The following DRC9 variants were observed in gnomAD, a reference collection of about 807,000 sequenced individuals.
DRC9 encodes the protein dynein regulatory complex protein 9.
the DRC9 span, among the ~76,000 whole-genome samples, chr3:197,920,552 C>T: frequency 3.3e-5 from 5 of 152,066 alleles, no homozygotes; most frequent in Non-Finnish European, 7.3e-5. Flanking sequence ...CATGGCAAAA[C>T]TCCGTCTCTA....
At chr3:197,901,053 A>G in the DRC9 span, among the ~76,000 whole-genome samples, 1 of 152,174 alleles carries the variant, frequency 6.6e-6, no homozygotes, top group Non-Finnish European at 1.5e-5. This position sits in a 1 kb window ranked among gnomAD's most constrained non-coding sequence, Gnocchi z 4.4. Flanking sequence ...AGGAAAAAGT[A>G]AAAGGGGACT....
the DRC9 span, chr3:197,938,700 C>A: frequency 1.2e-6 from 2 of 1,614,072 alleles, no homozygotes; most frequent in Non-Finnish European, 1.7e-6. Flanking sequence ...CAGTTATTAA[C>A]GGACTGGGTA....
At chr3:197,914,516 C>T in the DRC9 span, among the ~76,000 whole-genome samples, 11 of 152,300 alleles carry the variant, frequency 7.2e-5, no homozygotes, top group South Asian at 2.1e-3. Flanking sequence ...CGTGTGAAAA[C>T]GCTTTCTTTT....
chr3:197,925,748 T>A, the DRC9 span, among the ~76,000 whole-genome samples: 2 of 152,018 alleles, frequency 1.3e-5, no homozygotes, highest in African/African-American at 2.4e-5. Flanking sequence ...CATACCCGGC[T>A]AATTTTTGTA....
chr3:197,954,719 G>C, the DRC9 span, among the ~76,000 whole-genome samples: 1 of 152,126 alleles, frequency 6.6e-6, no homozygotes, highest in African/African-American at 2.4e-5. Flanking sequence ...TGTTGCCCAG[G>C]CTGGTCTTGA....
At chr3:197,920,173 C>A in the DRC9 span, among the ~76,000 whole-genome samples, 1 of 152,012 alleles carries the variant, frequency 6.6e-6, no homozygotes, top group Non-Finnish European at 1.5e-5. Context: ...CGCGGCACTG[C>A]ACTCCAGCCT....
At chr3:197,958,690 C>T in the DRC9 span, 1 of 152,218 alleles carries the variant, frequency 6.6e-6, no homozygotes, top group African/African-American at 2.4e-5. Flanking sequence ...ACTCGAGTAA[C>T]TTACATGTGC....
chr3:197,947,928 C>CTTTTTTTT, the DRC9 span, among the ~76,000 whole-genome samples: 7 of 96,796 alleles, frequency 7.2e-5, no homozygotes, highest in Non-Finnish European at 9.8e-5. Flanking sequence ...CCTGCTTTAC[C>CTTTTTTTT]TTTTTTTTTT....
the DRC9 span, among the ~76,000 whole-genome samples, chr3:197,941,125 TC>T: frequency 7.7e-5 from 11 of 142,134 alleles, no homozygotes; most frequent in African/African-American, 3.0e-4. Context: ...CATTTGTTTG[TC>T]CTTCCTTCCT....
chr3:197,918,327 C>T, the DRC9 span, among the ~76,000 whole-genome samples: 5 of 130,374 alleles, frequency 3.8e-5, no homozygotes, highest in Non-Finnish European at 6.3e-5. Context: ...TGGTCTCAAA[C>T]TCCTGGTCTC....
the DRC9 span, among the ~76,000 whole-genome samples, chr3:197,909,246 C>T: frequency 1.3e-5 from 2 of 152,108 alleles, no homozygotes; most frequent in African/African-American, 4.8e-5. Context: ...AAAAGGATTC[C>T]CCATTGTCAC....
the DRC9 span, chr3:197,958,159 C>G: frequency 1.3e-5 from 2 of 152,230 alleles, no homozygotes; most frequent in Non-Finnish European, 2.9e-5. Context: ...CTTTGAACTT[C>G]TAGGCTCAGA....
the DRC9 span, chr3:197,913,548 C>T: frequency 1.8e-5 from 8 of 455,530 alleles, no homozygotes; most frequent in East Asian, 3.4e-4. Context: ...CAAAATCCTG[C>T]CATAACTAAG....
chr3:197,932,957 T>TTATA, the DRC9 span, among the ~76,000 whole-genome samples: 3 of 135,430 alleles, frequency 2.2e-5, no homozygotes, highest in African/African-American at 5.6e-5. Context: ...ATATTATATA[T>TTATA]TATTATATAT....
At chr3:197,953,293 T>C in the DRC9 span, among the ~76,000 whole-genome samples, 1 of 152,178 alleles carries the variant, frequency 6.6e-6, no homozygotes, top group African/African-American at 2.4e-5. Flanking sequence ...GGAGGATTGC[T>C]TGATGCCAGG....
chr3:197,932,544 A>G, the DRC9 span, among the ~76,000 whole-genome samples: 2 of 151,842 alleles, frequency 1.3e-5, no homozygotes, highest in Non-Finnish European at 2.9e-5. Context: ...CTGAGGCAGG[A>G]GAATTGCTGG....
At chr3:197,959,149 T>C in the DRC9 span, 15 of 152,090 alleles carry the variant, frequency 9.9e-5, no homozygotes, top group African/African-American at 2.4e-4. Context: ...AGAGGTTGCA[T>C]TGAGCCGAGA....
the DRC9 span, chr3:197,945,653 T>C: frequency 1.8e-5 from 28 of 1,572,594 alleles, no homozygotes; most frequent in Admixed American, 7.4e-5. Context: ...TTACCCTCCG[T>C]GGTATATTTA....
At chr3:197,945,943 T>G in the DRC9 span, among the ~76,000 whole-genome samples, 1 of 152,222 alleles carries the variant, frequency 6.6e-6, no homozygotes, top group Non-Finnish European at 1.5e-5. Context: ...CTTCTTTAGG[T>G]AAATTAATGT....
Sources: gnomAD v4.1 joint callset for allele counts (sites outside exome capture counted in the v4.1 genomes callset) on GRCh38, gnomAD v4.1.1 for gene constraint, Gnocchi (gnomAD v3.1) non-coding constraint, MANE v1.5 for transcripts, NCBI Gene and HGNC (gene_info 2026-07-23, HGNC 2026-07-21) for gene names.